The following PPP2R2C variants were observed in gnomAD, a reference collection of about 807,000 sequenced individuals.
PPP2R2C encodes protein phosphatase 2 regulatory subunit Bgamma, also known as protein phosphatase 2, regulatory subunit B, gamma.
PPP2R2C carries 10 observed loss-of-function variants against 45.3 expected under a neutral mutation model. The observed-to-expected ratio is 0.22, with a 90% CI of 0.14 to 0.37. The LOEUF (loss-of-function observed/expected upper bound fraction) is 0.37, where lower values mean the gene tolerates loss of function less well. Ranked by LOEUF, PPP2R2C falls within the 10% of genes least tolerant of loss-of-function variation. The probability of loss-of-function intolerance (pLI) is 1.00; values close to 1 mark genes in which losing one functional copy is unlikely to be tolerated. For missense variants in PPP2R2C, 308 were observed against 619.7 expected, an observed-to-expected ratio of 0.50 and a Z score of 5.34; for synonymous variants, 257 against 245.4, an observed-to-expected ratio of 1.05 and a Z score of -0.44.
intron 7 of PPP2R2C, among the ~76,000 whole-genome samples, chr4:6,333,360 C>G (rs1462790544): frequency 1.3e-5 from 2 of 152,250 alleles, no homozygotes; most frequent in Non-Finnish European, 2.9e-5. Context: ...ACATCCAAAG[C>G]TCCCTGTGAG....
intron 5 of PPP2R2C, among the ~76,000 whole-genome samples, chr4:6,359,549 T>C (rs1461891702): frequency 6.6e-6 from 1 of 151,990 alleles, no homozygotes; most frequent in East Asian, 1.9e-4. Flanking sequence ...ATTTCGGGTA[T>C]ATTTAGTTAA....
chr4:6,373,944 G>A (rs1256710232), intron 4 of PPP2R2C, among the ~76,000 whole-genome samples: 11 of 151,320 alleles, frequency 7.3e-5, no homozygotes, highest in Non-Finnish European at 1.6e-4. Context: ...CAGCACCGGT[G>A]TGAGTGACAG....
intron 1 of PPP2R2C, among the ~76,000 whole-genome samples, chr4:6,423,031 A>G (rs1449106944): frequency 6.6e-6 from 1 of 152,198 alleles, no homozygotes; most frequent in Non-Finnish European, 1.5e-5. Flanking sequence ...TCCCAGGGCC[A>G]CAGCACTCAC....
chr4:6,518,647 G>T (rs1723906597), intron 2 of PPP2R2C, among the ~76,000 whole-genome samples: 1 of 152,202 alleles, frequency 6.6e-6, no homozygotes, highest in Non-Finnish European at 1.5e-5. Flanking sequence ...AATGGCCCAG[G>T]TGTGGTGGCT....
At chr4:6,534,229 A>C (rs1724507791) in intron 2 of PPP2R2C, among the ~76,000 whole-genome samples, 2 of 151,232 alleles carry the variant, frequency 1.3e-5, no homozygotes, top group Non-Finnish European at 2.9e-5. Flanking sequence ...ATCAACAAAC[A>C]CACACCAACA....
intron 6 of PPP2R2C, among the ~76,000 whole-genome samples, chr4:6,335,700 A>C (rs999311107): frequency 6.6e-6 from 1 of 151,718 alleles, no homozygotes; most frequent in East Asian, 2.0e-4. Flanking sequence ...CCCAGGTGTC[A>C]CCATCCTGAT....
At chr4:6,422,030 C>G (rs912031889) in intron 1 of PPP2R2C, among the ~76,000 whole-genome samples, 1 of 150,440 alleles carries the variant, frequency 6.6e-6, no homozygotes, top group Non-Finnish European at 1.5e-5. Flanking sequence ...TGAGACGCTG[C>G]AGCCGGATGG....
chr4:6,382,505 T>G (rs1715878215), intron 1 of PPP2R2C: 1 of 1,351,942 alleles, frequency 7.4e-7, no homozygotes, highest in Non-Finnish European at 9.8e-7. Context: ...AACCCTTCAT[T>G]GGTCACCATA....
chr4:6,446,487 T>G (rs1720426837), intron 1 of PPP2R2C, among the ~76,000 whole-genome samples: 1 of 152,136 alleles, frequency 6.6e-6, no homozygotes, highest in Admixed American at 6.5e-5. Context: ...CTCAGTTTCC[T>G]CATCTGTACA....
chr4:6,351,601 G>A (rs938129275), intron 5 of PPP2R2C, among the ~76,000 whole-genome samples: 6 of 152,176 alleles, frequency 3.9e-5, no homozygotes, highest in African/African-American at 1.4e-4. Context: ...CTTCGGATAC[G>A]GTGGCTGCTG....
intron 1 of PPP2R2C, among the ~76,000 whole-genome samples, chr4:6,444,725 C>T (rs140988405): frequency 0.014 from 2,078 of 152,346 alleles, 48 homozygotes; most frequent in African/African-American, 0.047. Flanking sequence ...AGTGTCTTCA[C>T]GCTTCCAAGC....
At position 6,436,457 on chromosome 4, in the gene PPP2R2C, A is replaced by C. The variant is rs193100850; in HGVS notation, c.70+35703T>G. 1.9e-3 allele frequency among the ~76,000 whole-genome samples: 287 copies of C among 152,354 alleles called. 1 individual carries two copies. Among genetic ancestry groups the C allele is most frequent in the African/African-American group, 6.4e-3 (266 of 41,584 alleles). ...TGCACTTCCCCACATATGAGGTTCC[A>C]GAAGCTATGGTTCCATCAAAGATGG... On this transcript the variant is annotated intron_variant, in intron 1 of 8. Transcript: ENST00000382599.
At position 6,378,540 on chromosome 4, in the gene PPP2R2C, G is replaced by A. The variant is rs758703360; in HGVS notation, c.201C>T (p.Tyr67=). Residue 67 remains tyrosine (Y), a synonymous_variant, in exon 3 of 9, where the codon TAC becomes TAT. Coordinates refer to ENST00000382599, the MANE Select transcript of PPP2R2C (RefSeq NM_020416.4). The surrounding 1 kb of genome is among the most constrained non-coding windows in gnomAD (Gnocchi z 5.2). ...SKNAPHSQGE[Y]DVYSTFQSHE... is the part of the protein sequence containing the mutation. Reference sequence around the variant, plus strand: ...GGCTCTGGAAAGTGCTGTACACGTCGTATTCGCCCTGGCTGTGGGGCGCAT... The same window carrying A: ...GGCTCTGGAAAGTGCTGTACACGTCATATTCGCCCTGGCTGTGGGGCGCAT... The A allele has an allele frequency of 1.2e-5, 19 of 1,613,858 alleles. No homozygotes were observed. The highest frequency in any genetic ancestry group is 9.9e-5 in the South Asian group (9 of 91,066).
intron 2 of PPP2R2C, among the ~76,000 whole-genome samples, chr4:6,502,870 C>G (rs1250094231): frequency 6.6e-6 from 1 of 152,144 alleles, no homozygotes; most frequent in Non-Finnish European, 1.5e-5. Flanking sequence ...CTTTCTCTCA[C>G]ACCCACATCT....
chr4:6,516,175 C>T (rs1300759606), intron 2 of PPP2R2C, among the ~76,000 whole-genome samples: 1 of 152,188 alleles, frequency 6.6e-6, no homozygotes, highest in African/African-American at 2.4e-5. Context: ...AACTCCTATC[C>T]ACATGCGTGA....
intron 2 of PPP2R2C, among the ~76,000 whole-genome samples, chr4:6,498,475 T>C (rs1352855000): frequency 6.6e-6 from 1 of 152,196 alleles, no homozygotes; most frequent in Non-Finnish European, 1.5e-5. Context: ...GTTGTATGTA[T>C]CAAATATTTC....
At chr4:6,484,443 C>A (rs1177179881) in intron 2 of PPP2R2C, among the ~76,000 whole-genome samples, 1 of 151,428 alleles carries the variant, frequency 6.6e-6, no homozygotes, top group Admixed American at 6.6e-5. Flanking sequence ...TCTTCTATTT[C>A]AAAGTTGTTT....
intron 1 of PPP2R2C, among the ~76,000 whole-genome samples, chr4:6,554,887 AAAGGAAGGAAGGAAGGAAGG>A (rs1185835295): frequency 6.6e-5 from 7 of 106,018 alleles, no homozygotes; most frequent in African/African-American, 2.7e-4. Context: ...AAAGAAAAAG[AAAGGAAGGAAGGAAGGAAGG>A]AAGGAAGGAA....
rs1731499715 is a variant in PPP2R2C at position 6,320,767 on chromosome 4, C to T, written c.*2535G>A. The T allele has an allele frequency of 6.6e-6, 1 of 152,172 alleles. No homozygotes were observed. The highest frequency in any genetic ancestry group is 1.5e-5 in the Non-Finnish European group (1 of 68,042). 9.4% of individuals were successfully genotyped at this position (152,172 alleles called of 1,614,324 possible). A position where few individuals can be genotyped will look rare whatever the true frequency, so the allele number is the denominator to read the frequency against. On this transcript the variant is annotated 3_prime_UTR_variant, in exon 9 of 9. Transcript: ENST00000382599. ...TATCCCACACCACCACCCCCACCAC[C>T]ACCACCACCAACAGCTTCGTCCTCA...
Sources: allele counts gnomAD v4.1 joint callset (sites outside exome capture counted in the v4.1 genomes callset), GRCh38; gene constraint gnomAD v4.1.1; non-coding constraint Gnocchi (gnomAD v3.1); transcripts MANE v1.5; gene names NCBI Gene and HGNC (gene_info 2026-07-23, HGNC 2026-07-21).